Variants in SRGAP2 observed in about 807,000 individuals in gnomAD.
SRGAP2 encodes the protein SLIT-ROBO Rho GTPase-activating protein 2.
Under a neutral mutation model 57.2 loss-of-function variants are expected in SRGAP2, and 15 were observed. The ratio of observed to expected loss-of-function variants is 0.26; its 90% CI spans 0.18 to 0.40. SRGAP2 has a LOEUF of 0.40. Among genes scored for constraint, SRGAP2 ranks in the 10% least tolerant of loss-of-function variants. SRGAP2 has a pLI of 1.00. For missense variants in SRGAP2, 520 were observed against 669.6 expected (o/e 0.78, Z 2.47); for synonymous variants, 249 against 248.0 (o/e 1.00, Z -0.04).
chr1:206,215,800 A>G (rs200868619), intron 2 of SRGAP2, among the ~76,000 whole-genome samples: 1 of 152,134 alleles, frequency 6.6e-6, no homozygotes, highest in East Asian at 1.9e-4. Flanking sequence ...TCTCCTCTGC[A>G]GTGTCTTTGT....
At chr1:206,241,845 T>C (rs1176910061) in intron 2 of SRGAP2, among the ~76,000 whole-genome samples, 7 of 151,866 alleles carry the variant, frequency 4.6e-5, no homozygotes, top group African/African-American at 1.5e-4. Flanking sequence ...GATTGCTCTA[T>C]GGATTTAAAA....
chr1:206,428,694 G>A (rs1463639393), intron 13 of SRGAP2, among the ~76,000 whole-genome samples: 2 of 151,976 alleles, frequency 1.3e-5, no homozygotes, highest in African/African-American at 2.4e-5. Context: ...ACAGGGTCCC[G>A]CTCCATCACC....
At chr1:206,404,866 G>A (rs1553356971) in intron 8 of SRGAP2, 1 of 144,728 alleles carries the variant, frequency 6.9e-6, no homozygotes, top group African/African-American at 2.5e-5. Context: ...TCACTCTGGT[G>A]TATGAAGGGG....
rs1473617325 is a variant in SRGAP2 at position 206,402,066 on chromosome 1, G to A, written c.1056+421G>A. On this transcript the variant is annotated intron_variant, in intron 8 of 22. Coordinates refer to ENST00000573034, the MANE Select transcript of SRGAP2 (RefSeq NM_015326.5). Reference sequence around the variant, plus strand: ...AGTGGTGAGGCTAGAAGAAATGAGAGCTGAGGTGGGGCCACATCCTAGAGG... The same window carrying A: ...AGTGGTGAGGCTAGAAGAAATGAGAACTGAGGTGGGGCCACATCCTAGAGG... Among the ~76,000 whole-genome samples the A allele has an allele frequency of 1.7e-3, 252 of 151,674 alleles. 4 individuals are homozygous for A. Among genetic ancestry groups the A allele is most frequent in the Non-Finnish European group, 8.3e-4 (56 of 67,830 alleles).
intron 4 of SRGAP2, among the ~76,000 whole-genome samples, chr1:206,374,243 C>A (rs564750599): frequency 2.8e-4 from 42 of 151,278 alleles, no homozygotes; most frequent in Non-Finnish European, 5.6e-4. Flanking sequence ...GTCTCGATCT[C>A]CTGACCTCGT....
Position 206,458,740 on chromosome 1 carries a change from A to C in SRGAP2, c.2625A>C (p.Pro875=), listed in dbSNP as rs1304400236. The C allele has an allele frequency of 1.3e-6, 1 of 780,596 alleles. No homozygotes were observed. Among genetic ancestry groups the C allele is most frequent in the Non-Finnish European group, 2.4e-6 (1 of 417,942 alleles). 48.4% of individuals were successfully genotyped at this position (780,596 alleles called of 1,614,324 possible). A position where few individuals can be genotyped will look rare whatever the true frequency, so the allele number is the denominator to read the frequency against. Residue 875 remains proline (P), a synonymous_variant, in exon 22 of 23, where the codon CCA becomes CCC. Coordinates refer to ENST00000573034, the MANE Select transcript of SRGAP2 (RefSeq NM_015326.5). The part of the protein sequence containing the change: ...SSPGVGASCR[P]SSQPIMSQSL... ...CAGGGGTGGGGGCTAGCTGCCGCCC[A>C]TCCTCCCAGCCCATCATGAGCCAGA...
intron 2 of SRGAP2, among the ~76,000 whole-genome samples, chr1:206,278,361 T>TA (rs1380895124): frequency 1.4e-5 from 2 of 146,626 alleles, no homozygotes; most frequent in African/African-American, 5.0e-5. Context: ...TTTTTTTTTT[T>TA]AAAGAGACAA....
At chr1:206,307,914 G>C (rs1197270754) in intron 3 of SRGAP2, among the ~76,000 whole-genome samples, 26 of 152,322 alleles carry the variant, frequency 1.7e-4, no homozygotes, top group African/African-American at 2.6e-4. Context: ...GTGCAGGGGG[G>C]GGTGCTGAAG....
At chr1:206,335,106 G>T in intron 3 of SRGAP2, among the ~76,000 whole-genome samples, 1 of 150,020 alleles carries the variant, frequency 6.7e-6, no homozygotes, top group Non-Finnish European at 1.5e-5. Flanking sequence ...TTGCTATGGT[G>T]TTTTAGTTTA....
In SRGAP2 at chr1:206,414,217, G is replaced by C. The variant is rs1659479202; in HGVS notation, c.1357-1672G>C. Reference sequence around the variant, plus strand: ...GCCCGGCTAATTTTTGTATTTTTTTGTTAGAGATGGGGTTTCACCATGTTG... The same window carrying C: ...GCCCGGCTAATTTTTGTATTTTTTTCTTAGAGATGGGGTTTCACCATGTTG... On this transcript the variant is annotated intron_variant, in intron 10 of 22. Coordinates refer to ENST00000573034, the MANE Select transcript of SRGAP2 (RefSeq NM_015326.5). Among the ~76,000 whole-genome samples, 3 of 151,196 alleles carry C rather than the reference G, an allele frequency of 2.0e-5. No individual in the cohort carries two copies. In the South Asian group the frequency reaches 6.2e-4, roughly 31 times the overall value.
rs1474584416 is a variant in SRGAP2 at position 206,401,325 on chromosome 1, A to G, written c.832-96A>G. The G allele has an allele frequency of 1.8e-5, 13 of 714,078 alleles. No individual in the cohort carries two copies. In the Middle Eastern group the frequency reaches 8.4e-4, roughly 46 times the overall value. 44.2% of individuals were successfully genotyped at this position (714,078 alleles called of 1,614,324 possible). A position where few individuals can be genotyped will look rare whatever the true frequency, so the allele number is the denominator to read the frequency against. ...CTCTTTCTACTGCACAGCCAAGCCTATTGATGTGGTCAGATCTGCCCTCTG... is the reference window on the plus strand; with the variant it reads ...CTCTTTCTACTGCACAGCCAAGCCTGTTGATGTGGTCAGATCTGCCCTCTG... On this transcript the variant is annotated intron_variant, in intron 7 of 22. Transcript: ENST00000573034.
Position 206,461,137 on chromosome 1 carries a change from A to G in SRGAP2, c.2933A>G (p.Glu978Gly). Residue 978 changes from glutamate to glycine, a missense_variant, in exon 23 of 23, where the codon GAG (glutamate) becomes GGG (glycine). This residue lies in a region of SRGAP2 where 478 missense variants were observed against 373.6 expected (regional missense o/e 1.28). Coordinates refer to ENST00000573034, the MANE Select transcript of SRGAP2 (RefSeq NM_015326.5). ...HTPDVVLDTL[E>G]PLKTSPVVAP... ...CCTGACGTGGTTCTGGACACCTTGG[A>G]GCCCCTCAAAACCTCCCCAGTGGTG... 1.3e-6 allele frequency: 1 copy of G among 780,560 alleles called. No individual in the cohort carries two copies. The highest frequency in any genetic ancestry group is 2.4e-6 in the Non-Finnish European group (1 of 417,792). The allele number at this position is 780,560 out of a possible 1,614,324, so 48.4% of individuals were successfully genotyped here. A position where few individuals can be genotyped will look rare whatever the true frequency, so the allele number is the denominator to read the frequency against.
intron 4 of SRGAP2, among the ~76,000 whole-genome samples, chr1:206,353,999 C>T (rs1676244572): frequency 6.6e-6 from 1 of 151,848 alleles, no homozygotes; most frequent in Admixed American, 6.6e-5. Context: ...CTGTGGTGCC[C>T]AGGCTAGGCT....
chr1:206,252,286 T>C (rs74144116), intron 2 of SRGAP2, among the ~76,000 whole-genome samples: 59,593 of 147,386 alleles, frequency 0.4, 12,460 homozygotes, highest in East Asian at 0.7. Flanking sequence ...CTTTTTTTTT[T>C]CCCCCAGTAA....
At position 206,464,248 on chromosome 1, in the gene SRGAP2, G is replaced by A. The variant is rs1347590962; in HGVS notation, c.*2828G>A. On this transcript the variant is annotated 3_prime_UTR_variant, in exon 23 of 23. Coordinates refer to ENST00000573034, the MANE Select transcript of SRGAP2 (RefSeq NM_015326.5). ...GTCACATCTTCCAGGGAATCGCAAT[G>A]TTGTGGCGTCTGACTTGTATGTCAC... The A allele has an allele frequency of 6.6e-6, 1 of 152,638 alleles. No individual in the cohort carries two copies. Among genetic ancestry groups the A allele is most frequent in the Non-Finnish European group, 1.5e-5 (1 of 68,054 alleles). 9.5% of individuals were successfully genotyped at this position (152,638 alleles called of 1,614,324 possible). A position where few individuals can be genotyped will look rare whatever the true frequency, so the allele number is the denominator to read the frequency against.
chr1:206,244,795 T>C (rs1401700469), intron 2 of SRGAP2, among the ~76,000 whole-genome samples: 2 of 151,964 alleles, frequency 1.3e-5, no homozygotes, highest in Non-Finnish European at 2.9e-5. Flanking sequence ...AGGGCGCCCC[T>C]CTTAGAAGAA....
At chr1:206,321,062 G>A (rs1237357102) in intron 3 of SRGAP2, among the ~76,000 whole-genome samples, 18 of 144,084 alleles carry the variant, frequency 1.2e-4, no homozygotes, top group Admixed American at 8.8e-4. Context: ...TTTGGCAAAC[G>A]AAAGTCCAAG....
intron 2 of SRGAP2, among the ~76,000 whole-genome samples, chr1:206,222,670 C>CA (rs1213665683): frequency 0.015 from 1,769 of 121,946 alleles, 9 homozygotes; most frequent in Middle Eastern, 0.031. Context: ...ATCCTGTCTC[C>CA]AAAAAAAAAA....
intron 13 of SRGAP2, among the ~76,000 whole-genome samples, chr1:206,426,012 A>C (rs1553366211): frequency 6.7e-6 from 1 of 150,232 alleles, no homozygotes; most frequent in Non-Finnish European, 1.5e-5. Context: ...ATGCCCAGCT[A>C]ATTTTTGTAT....
Sources: allele counts gnomAD v4.1 joint callset (sites outside exome capture counted in the v4.1 genomes callset), GRCh38; gene constraint gnomAD v4.1.1; regional missense constraint gnomAD v4.1.1; transcripts MANE v1.5; gene names NCBI Gene and HGNC (gene_info 2026-07-23, HGNC 2026-07-21).